Variants in ROS1 observed in about 807,000 individuals in gnomAD.
ROS1 encodes the protein ROS proto-oncogene 1, receptor tyrosine kinase, also known as proto-oncogene tyrosine-protein kinase ROS.
ROS1 carries 263 observed loss-of-function variants against 273.5 expected under a neutral mutation model. The ratio of observed to expected loss-of-function variants is 0.96; its 90% CI spans 0.87 to 1.06. The LOEUF is 1.06. Among genes scored for constraint, ROS1 ranks in the 50% least tolerant of loss-of-function variants. The probability of loss-of-function intolerance (pLI) is 0.00; values close to 1 mark genes in which losing one functional copy is unlikely to be tolerated. For synonymous variants in ROS1, 1,008 were observed against 954.1 expected (o/e 1.06, Z -1.04); for missense variants, 2,833 against 2,751.1 (o/e 1.03, Z -0.67).
rs781116397 is a variant in ROS1, at chr6:117,394,192, A to G, written c.1161T>C (p.Tyr387=). The change falls in exon 11 of 44, where the codon TAT becomes TAC. Residue 387 remains tyrosine, a synonymous_variant. Transcript: ENST00000368507. ...CATCCATGATGAAATACATTCTTTGATAAAGCCAATCTATGGAGATAGAAG... is the reference window on the plus strand; with the variant it reads ...CATCCATGATGAAATACATTCTTTGGTAAAGCCAATCTATGGAGATAGAAG... ...LISSISIDWL[Y]QRMYFIMDEL... 1 of 1,596,154 alleles carries G rather than the reference A, an allele frequency of 6.3e-7. No individual in the cohort carries two copies. Among genetic ancestry groups the G allele is most frequent in the South Asian group, 1.1e-5 (1 of 87,406 alleles).
intron 38 of ROS1, among the ~76,000 whole-genome samples, chr6:117,317,490 G>A (rs1450852187): frequency 1.3e-5 from 2 of 152,238 alleles, no homozygotes; most frequent in East Asian, 3.9e-4. Flanking sequence ...AAATAGGTTG[G>A]TTTTTAGAAG....
intron 27 of ROS1, among the ~76,000 whole-genome samples, chr6:117,348,472 CT>C (rs1383336675): frequency 6.6e-6 from 1 of 151,892 alleles, no homozygotes; most frequent in Non-Finnish European, 1.5e-5. Context: ...CATCCACTCT[CT>C]TTTTTTCTTA....
chr6:117,360,389 G>A lies in ROS1; in HGVS notation c.3383C>T (p.Ser1128Phe), dbSNP rs767073922. The change falls in exon 23 of 44, where the codon TCT (serine) becomes TTT (phenylalanine). Residue 1128 changes from serine to phenylalanine, a missense_variant. Transcript: ENST00000368507. ...GTCAGCATATGGTCCTGGCCCCTTA[G>A]ATGTAAAGGCCCTAACCTAAAGAAA... ...FIAFQVRAFT[S>F]KGPGPYADVV... 3 of 1,613,098 alleles carry A rather than the reference G, an allele frequency of 1.9e-6. No homozygotes were observed. In the South Asian group the frequency reaches 3.3e-5, roughly 18 times the overall value.
intron 32 of ROS1, among the ~76,000 whole-genome samples, chr6:117,336,541 T>C (rs902544230): frequency 6.6e-6 from 1 of 152,214 alleles, no homozygotes; most frequent in Non-Finnish European, 1.5e-5. Flanking sequence ...CCATGGTGTA[T>C]ATGTACCACA....
chr6:117,399,186 G>A (rs914037280), intron 7 of ROS1, among the ~76,000 whole-genome samples: 6 of 152,170 alleles, frequency 3.9e-5, no homozygotes, highest in African/African-American at 1.4e-4. Flanking sequence ...TGCTTATCCA[G>A]GAGAAAGGCC....
At chr6:117,371,083 A>G (rs1473612404) in intron 18 of ROS1, among the ~76,000 whole-genome samples, 1 of 152,214 alleles carries the variant, frequency 6.6e-6, no homozygotes, top group Non-Finnish European at 1.5e-5. Context: ...GGAGGCAAGG[A>G]CTAACTTGCA....
chr6:117,360,149 C>T, intron 23 of ROS1, 138 bp from the exon 24 acceptor site: 1 of 778,820 alleles, frequency 1.3e-6, no homozygotes, highest in Middle Eastern at 3.5e-4. Context: ...CAGTGATAAC[C>T]TTGTAGGCTC....
intron 30 of ROS1, 39 bp downstream of exon 30, chr6:117,341,361 G>C: frequency 6.2e-7 from 1 of 1,611,086 alleles, no homozygotes; most frequent in Non-Finnish European, 8.5e-7. Context: ...CCTTGCACTT[G>C]AGAATGACAA....
At chr6:117,387,238 A>T (rs1772659589) in intron 14 of ROS1, among the ~76,000 whole-genome samples, 1 of 152,232 alleles carries the variant, frequency 6.6e-6, no homozygotes, top group East Asian at 1.9e-4. Context: ...AGAAAAACGC[A>T]TGGTGAGATT....
intron 32 of ROS1, among the ~76,000 whole-genome samples, chr6:117,333,145 C>T (rs572478262): frequency 1.3e-5 from 2 of 150,862 alleles, no homozygotes; most frequent in African/African-American, 4.9e-5. Context: ...CAAATAGACA[C>T]AAAAAAAATG....
Position 117,288,546 on chromosome 6 carries a change from T to A in ROS1, c.6972A>T (p.Glu2324Asp), listed in dbSNP as rs2128520612. 6.2e-7 allele frequency: 1 copy of A among 1,614,178 alleles called. No individual in the cohort carries two copies. The highest frequency in any genetic ancestry group is 8.5e-7 in the Non-Finnish European group (1 of 1,180,028). The change falls in exon 44 of 44, where the codon GAA becomes GAT. Residue 2324 changes from glutamate (E) to aspartate (D), a missense_variant. Coordinates refer to ENST00000368507, the MANE Select transcript of ROS1 (RefSeq NM_001378902.1). ...GAGTGAGACAGGCATAGTTCAGGCC[T>A]TCAGGCTTGCCAGAAGGGCAGTAAG... The part of the protein sequence containing the change: ...QVAYCPSGKP[E>D]GLNYACLTHS...
chr6:117,403,663 C>T (rs1774139463), intron 6 of ROS1, among the ~76,000 whole-genome samples: 2 of 152,050 alleles, frequency 1.3e-5, no homozygotes. Flanking sequence ...TTCTTCTGCC[C>T]TCCATCCTAG....
At chr6:117,358,740 G>A (rs1382571119) in intron 24 of ROS1, among the ~76,000 whole-genome samples, 1 of 152,166 alleles carries the variant, frequency 6.6e-6, no homozygotes, top group Non-Finnish European at 1.5e-5. Flanking sequence ...GATTACAGGT[G>A]TGAATCACTG....
chr6:117,340,997 C>G, intron 31 of ROS1, 138 bp downstream of exon 31: 1 of 615,874 alleles, frequency 1.6e-6, no homozygotes, highest in South Asian at 2.3e-5. Context: ...TAACTCACTG[C>G]TTCTGCATGC....
intron 27 of ROS1, among the ~76,000 whole-genome samples, chr6:117,348,537 G>A (rs1291709547): frequency 6.6e-6 from 1 of 151,528 alleles, no homozygotes; most frequent in Non-Finnish European, 1.5e-5. Flanking sequence ...CCAGTTTTTG[G>A]CTTCATTGAT....
intron 39 of ROS1, among the ~76,000 whole-genome samples, chr6:117,316,564 A>G (rs1050084690): frequency 1.3e-5 from 2 of 152,014 alleles, no homozygotes; most frequent in Non-Finnish European, 2.9e-5. Flanking sequence ...GCACTGCTCC[A>G]GGCACTGGGG....
At chr6:117,423,896 C>G (rs1359624230) in intron 1 of ROS1, among the ~76,000 whole-genome samples, 1 of 152,110 alleles carries the variant, frequency 6.6e-6, no homozygotes, top group Admixed American at 6.6e-5. Flanking sequence ...CCTCCAGGCC[C>G]TATGTGGGAA....
Position 117,353,274 on chromosome 6 carries a change from C to G in ROS1, c.4127-108G>C, listed in dbSNP as rs1008326732. The G allele has an allele frequency of 2.0e-5, 15 of 740,874 alleles. No individual in the cohort carries two copies. The South Asian group carries it at 3.7e-4, about 18-fold the overall frequency. 45.9% of individuals were successfully genotyped at this position (740,874 alleles called of 1,614,324 possible). ...ATATTATAATTGCTAAATTTTGAATCTATTATTTCAACATTAAAAAATACC... is the reference window on the plus strand; with the variant it reads ...ATATTATAATTGCTAAATTTTGAATGTATTATTTCAACATTAAAAAATACC... On this transcript the variant is annotated intron_variant, in intron 26 of 43. Coordinates refer to ENST00000368507, the MANE Select transcript of ROS1 (RefSeq NM_001378902.1).
At chr6:117,367,887 A>T (rs1227929614) in intron 18 of ROS1, among the ~76,000 whole-genome samples, 5 of 152,172 alleles carry the variant, frequency 3.3e-5, no homozygotes, top group Non-Finnish European at 7.3e-5. Context: ...ATAACAAGAT[A>T]AACAGGGAAA....
Sources: gnomAD v4.1 joint callset for allele counts (sites outside exome capture counted in the v4.1 genomes callset) on GRCh38, gnomAD v4.1.1 for gene constraint, MANE v1.5 for transcripts, NCBI Gene and HGNC (gene_info 2026-07-23, HGNC 2026-07-21) for gene names.